The following NALCN variants were observed in gnomAD, a reference collection of about 807,000 sequenced individuals.
NALCN encodes sodium leak channel NALCN.
Under a neutral mutation model 225.3 loss-of-function variants are expected in NALCN, and 111 were observed. The observed-to-expected ratio is 0.49, with a 90% CI of 0.42 to 0.58. The LOEUF is 0.58. NALCN is among the 20% of genes least tolerant of loss of function. The pLI is 0.00. For synonymous variants in NALCN, 764 were observed against 769.0 expected (o/e 0.99, Z 0.11); for missense variants, 1,378 against 2,202.4 (o/e 0.63, Z 7.49).
chr13:101,362,162 T>C (rs1290249980), intron 6 of NALCN, among the ~76,000 whole-genome samples: 1 of 151,984 alleles, frequency 6.6e-6, no homozygotes, highest in Non-Finnish European at 1.5e-5. Context: ...TGAAGTCGAA[T>C]CCCATGAAAC....
At chr13:101,286,665 C>T (rs1310362558) in intron 9 of NALCN, among the ~76,000 whole-genome samples, 1 of 152,144 alleles carries the variant, frequency 6.6e-6, no homozygotes, top group Non-Finnish European at 1.5e-5. Flanking sequence ...TGTAACTTAA[C>T]TAGTATACGT....
At chr13:101,188,329 C>A (rs1187621169) in intron 14 of NALCN, among the ~76,000 whole-genome samples, 1 of 151,998 alleles carries the variant, frequency 6.6e-6, no homozygotes, top group Non-Finnish European at 1.5e-5. Context: ...CTAAAAATTG[C>A]TGCCACAAAT....
At chr13:101,399,853 C>T (rs570063809) in intron 1 of NALCN, among the ~76,000 whole-genome samples, 11 of 152,298 alleles carry the variant, frequency 7.2e-5, no homozygotes, top group South Asian at 4.1e-4. Flanking sequence ...CTGTGATAGA[C>T]GTTACCTCCC....
intron 6 of NALCN, among the ~76,000 whole-genome samples, chr13:101,360,012 T>C (rs1452340457): frequency 6.6e-6 from 1 of 152,126 alleles, no homozygotes; most frequent in Non-Finnish European, 1.5e-5. Flanking sequence ...GACCCAAAAA[T>C]GTAATAAAAG....
At chr13:101,383,975 T>A (rs1213372023) in intron 3 of NALCN, among the ~76,000 whole-genome samples, 1 of 152,206 alleles carries the variant, frequency 6.6e-6, no homozygotes, top group Non-Finnish European at 1.5e-5. Flanking sequence ...ATAAGTAGAA[T>A]GCAGACCTTG....
chr13:101,199,219 C>T, intron 13 of NALCN, among the ~76,000 whole-genome samples: 1 of 151,796 alleles, frequency 6.6e-6, no homozygotes, highest in East Asian at 1.9e-4. Flanking sequence ...AGCACACCAA[C>T]ATGGCATATA....
chr13:101,332,868 C>T (rs1213198018), intron 7 of NALCN, among the ~76,000 whole-genome samples: 9 of 152,218 alleles, frequency 5.9e-5, no homozygotes, highest in African/African-American at 1.9e-4. Context: ...GAAACAATGT[C>T]TGTACACACG....
At chr13:101,364,033 T>C (rs750805537) in intron 6 of NALCN, among the ~76,000 whole-genome samples, 2 of 152,016 alleles carry the variant, frequency 1.3e-5, no homozygotes, top group Admixed American at 6.6e-5. Flanking sequence ...CAGTGAAATA[T>C]CATGTCACCC....
At chr13:101,299,427 TTTG>T (rs528775263) in intron 7 of NALCN, among the ~76,000 whole-genome samples, 4 of 130,096 alleles carry the variant, frequency 3.1e-5, no homozygotes, top group South Asian at 2.5e-4. Context: ...CAGGGTTTTT[TTTG>T]TTTGTTTGTT....
intron 17 of NALCN, among the ~76,000 whole-genome samples, chr13:101,137,175 T>A (rs144118511): frequency 1.3e-5 from 2 of 152,318 alleles, no homozygotes; most frequent in African/African-American, 2.4e-5. Context: ...ATATTTGACA[T>A]GAGGAACACC....
intron 15 of NALCN, among the ~76,000 whole-genome samples, chr13:101,145,983 T>G (rs191240558): frequency 6.6e-6 from 1 of 152,294 alleles, no homozygotes; most frequent in Non-Finnish European, 1.5e-5. Flanking sequence ...AAGAGAGCTT[T>G]TAAAACAGGA....
At chr13:101,261,715 G>T (rs2042433199) in intron 10 of NALCN, among the ~76,000 whole-genome samples, 2 of 152,124 alleles carry the variant, frequency 1.3e-5, no homozygotes, top group South Asian at 4.1e-4. Context: ...AACATTACTA[G>T]GTTTGTTCAT....
Position 101,104,449 on chromosome 13 carries a change from T to C in NALCN, c.2758-23A>G, listed in dbSNP as rs2034991320. ...AATCTGAAACGGGCAAAAGGCAGTT[T>C]GGTTACAATGAACGGAAAAACAGCA... On this transcript the variant is annotated intron_variant, in intron 24 of 43. Coordinates refer to ENST00000251127, the MANE Select transcript of NALCN (RefSeq NM_052867.4). The surrounding 1 kb of genome is among the most constrained non-coding windows in gnomAD (Gnocchi z 4.2). 6.2e-7 allele frequency: 1 copy of C among 1,612,498 alleles called. No homozygotes were observed. The highest frequency in any genetic ancestry group is 1.3e-5 in the African/African-American group (1 of 75,010).
chr13:101,059,790 T>G, intron 42 of NALCN, 28 bp downstream of exon 42: 3 of 1,611,874 alleles, frequency 1.9e-6, no homozygotes, highest in Non-Finnish European at 2.5e-6. Context: ...CAGAGTGTCC[T>G]GGGACAGAGG....
In NALCN at chr13:101,258,557, G is replaced by C. The variant is rs1283550500; in HGVS notation, c.1152C>G (p.Ser384=). 1 of 1,614,072 alleles carries C rather than the reference G, an allele frequency of 6.2e-7. No homozygotes were observed. Among genetic ancestry groups the C allele is most frequent in the African/African-American group, 1.3e-5 (1 of 75,026 alleles). Reference sequence around the variant, plus strand: ...TGCTCAGGATGAACATGTGGAAAACGGATGACCGCATCATTTTCTGAGGGG... The same window carrying C: ...TGCTCAGGATGAACATGTGGAAAACCGATGACCGCATCATTTTCTGAGGGG... The part of the protein sequence containing the change: ...PACLQKMMRS[S]VFHMFILSMV... The change falls in exon 11 of 44, where the codon TCC becomes TCG. Residue 384 remains serine (S), a synonymous_variant. Transcript: ENST00000251127.
intron 43 of NALCN, among the ~76,000 whole-genome samples, chr13:101,056,165 C>T (rs1423922007): frequency 2.6e-5 from 4 of 151,478 alleles, no homozygotes; most frequent in African/African-American, 4.9e-5. Context: ...CCTCCTCAAA[C>T]TCAGCCTGAC....
At chr13:101,236,367 G>T (rs989387454) in intron 12 of NALCN, among the ~76,000 whole-genome samples, 5 of 152,126 alleles carry the variant, frequency 3.3e-5, no homozygotes, top group African/African-American at 1.2e-4. Flanking sequence ...ATTCCTCAGG[G>T]ATCTAGAACT....
At chr13:101,398,549 G>A (rs1023410008) in intron 2 of NALCN, among the ~76,000 whole-genome samples, 3 of 152,166 alleles carry the variant, frequency 2.0e-5, no homozygotes, top group African/African-American at 7.2e-5. Flanking sequence ...AGGCGGTGAA[G>A]GTGACAAAGT....
intron 28 of NALCN, among the ~76,000 whole-genome samples, chr13:101,092,411 G>T (rs958845879): frequency 6.6e-6 from 1 of 152,144 alleles, no homozygotes. Context: ...AATCAGAAAC[G>T]TCGTACTTCC....
Sources: allele counts gnomAD v4.1 joint callset (sites outside exome capture counted in the v4.1 genomes callset), GRCh38; gene constraint gnomAD v4.1.1; non-coding constraint Gnocchi (gnomAD v3.1); transcripts MANE v1.5; gene names NCBI Gene and HGNC (gene_info 2026-07-23, HGNC 2026-07-21).